The following ITGA9 variants were observed in gnomAD, a reference collection of about 807,000 sequenced individuals.
The protein encoded by ITGA9 is integrin alpha-9.
A neutral mutation model predicts 127.8 loss-of-function variants in ITGA9; 56 were observed. That is an observed-to-expected ratio of 0.44 (90% CI 0.35 to 0.55). The LOEUF is 0.55. ITGA9 is among the 20% of genes least tolerant of loss of function. ITGA9 has a pLI of 0.00. For missense variants in ITGA9, 1,196 were observed against 1,347.1 expected (o/e 0.89, Z 1.76); for synonymous variants, 508 against 514.5 (o/e 0.99, Z 0.17).
At chr3:37,714,622 T>C (rs1701114639) in intron 18 of ITGA9, among the ~76,000 whole-genome samples, 1 of 152,172 alleles carries the variant, frequency 6.6e-6, no homozygotes, top group Non-Finnish European at 1.5e-5. Flanking sequence ...GTTTCTAGAA[T>C]CTACATCAGT....
intron 15 of ITGA9, among the ~76,000 whole-genome samples, chr3:37,595,407 G>A (rs924467968): frequency 1.3e-5 from 2 of 152,186 alleles, no homozygotes; most frequent in African/African-American, 2.4e-5. Context: ...ATGGGAGTCC[G>A]AAAGCTACAC....
At chr3:37,596,980 TC>T (rs1699876748) in intron 15 of ITGA9, among the ~76,000 whole-genome samples, 1 of 151,954 alleles carries the variant, frequency 6.6e-6, no homozygotes, top group South Asian at 2.1e-4. Context: ...TCCCCTCCTC[TC>T]CTCCCCTCAA....
chr3:37,593,115 T>C (rs1190391657), intron 15 of ITGA9, among the ~76,000 whole-genome samples: 1 of 152,188 alleles, frequency 6.6e-6, no homozygotes, highest in Non-Finnish European at 1.5e-5. Context: ...CATGGGAGAT[T>C]GGTTCCAGGA....
At chr3:37,815,136 C>A (rs1697415141) in intron 27 of ITGA9, among the ~76,000 whole-genome samples, 1 of 152,178 alleles carries the variant, frequency 6.6e-6, no homozygotes, top group Non-Finnish European at 1.5e-5. Flanking sequence ...AGTGCCTTCA[C>A]CTTGTTGTTA....
intron 25 of ITGA9, among the ~76,000 whole-genome samples, chr3:37,782,661 G>A (rs1419887666): frequency 2.0e-5 from 3 of 152,212 alleles, no homozygotes; most frequent in African/African-American, 7.2e-5. Flanking sequence ...CTTGGGGAGT[G>A]GAGCCCACAT....
chr3:37,760,599 G>T (rs1696712440), intron 23 of ITGA9, among the ~76,000 whole-genome samples: 1 of 152,116 alleles, frequency 6.6e-6, no homozygotes, highest in Non-Finnish European at 1.5e-5. Context: ...TTCAATAAAT[G>T]ATATGAAGAC....
At chr3:37,720,130 C>T (rs549646119) in intron 18 of ITGA9, among the ~76,000 whole-genome samples, 276 of 152,256 alleles carry the variant, frequency 1.8e-3, no homozygotes, top group Non-Finnish European at 2.1e-3. Flanking sequence ...GTGAGCATGT[C>T]CAGGGACCAC....
At position 37,649,602 on chromosome 3, in the gene ITGA9, G is replaced by A. The variant is rs538397523; in HGVS notation, c.1840-4112G>A. 5.3e-5 allele frequency among the ~76,000 whole-genome samples: 8 copies of A among 152,284 alleles called. No individual in the cohort carries two copies. In the South Asian group the frequency reaches 1.7e-3, roughly 32 times the overall value. ...ACAGATCTGCAAGGAGAAATTGATAGCACTATAATAATAGGAGATTTCAGT... is the reference window on the plus strand; with the variant it reads ...ACAGATCTGCAAGGAGAAATTGATAACACTATAATAATAGGAGATTTCAGT... On this transcript the variant is annotated intron_variant, in intron 16 of 27. Transcript: ENST00000264741.
intron 14 of ITGA9, among the ~76,000 whole-genome samples, 159 bp from the exon 15 acceptor site, chr3:37,542,266 C>G (rs1405511302): frequency 2.0e-5 from 3 of 152,128 alleles, no homozygotes; most frequent in African/African-American, 7.2e-5. Context: ...TGGCTGTGTG[C>G]TGCTTTCTGA....
chr3:37,536,461 G>A (rs1482799554), intron 14 of ITGA9, among the ~76,000 whole-genome samples: 1 of 152,250 alleles, frequency 6.6e-6, no homozygotes, highest in East Asian at 1.9e-4. Context: ...ATCTTCTGTG[G>A]TATTTATCTG....
At chr3:37,784,837 TGGAGA>T in intron 25 of ITGA9, 135 bp from the exon 26 acceptor site, 1 of 701,090 alleles carries the variant, frequency 1.4e-6, no homozygotes, top group South Asian at 1.5e-5. Flanking sequence ...GTGCCTGGGA[TGGAGA>T]GGTATCTAGT....
chr3:37,802,090 G>A (rs1697241937), intron 26 of ITGA9, among the ~76,000 whole-genome samples: 1 of 152,128 alleles, frequency 6.6e-6, no homozygotes, highest in Non-Finnish European at 1.5e-5. Flanking sequence ...GCTAAGAGCT[G>A]GGTTCAAATC....
At chr3:37,518,704 C>T (rs971946237) in intron 10 of ITGA9, among the ~76,000 whole-genome samples, 1 of 148,012 alleles carries the variant, frequency 6.8e-6, no homozygotes, top group East Asian at 2.0e-4. Context: ...GTTTTTCTTA[C>T]GAGCATAAGG....
rs1048663749 is a variant in ITGA9 at position 37,785,907 on chromosome 3, A to C, written c.2889+829A>C. On this transcript the variant is annotated intron_variant, in intron 26 of 27. Coordinates refer to ENST00000264741, the MANE Select transcript of ITGA9 (RefSeq NM_002207.3). ...GGCACCAAGGCCTCAGAGACACGGG[A>C]GGGTGTGGCAAACCACGAGGCTGAG... Among the ~76,000 whole-genome samples the C allele has an allele frequency of 2.0e-5, 3 of 152,054 alleles. No homozygotes were observed. In the East Asian group the frequency reaches 5.8e-4, roughly 29 times the overall value.
At chr3:37,661,609 T>C (rs1247573776) in intron 17 of ITGA9, among the ~76,000 whole-genome samples, 2 of 152,328 alleles carry the variant, frequency 1.3e-5, no homozygotes, top group East Asian at 3.9e-4. Flanking sequence ...GGCAAAGGCA[T>C]AGTGGCTCCA....
At chr3:37,508,975 G>A (rs887483898) in intron 8 of ITGA9, among the ~76,000 whole-genome samples, 2 of 152,182 alleles carry the variant, frequency 1.3e-5, no homozygotes, top group Non-Finnish European at 2.9e-5. Context: ...TCCAGAGAGA[G>A]CAGATCTTTC....
At chr3:37,454,516 A>G (rs536583105) in intron 1 of ITGA9, among the ~76,000 whole-genome samples, 1 of 152,038 alleles carries the variant, frequency 6.6e-6, no homozygotes, top group Non-Finnish European at 1.5e-5. Context: ...GAGATGTGGG[A>G]CTGGTATTTC....
At chr3:37,714,092 G>A (rs942854742) in intron 18 of ITGA9, among the ~76,000 whole-genome samples, 2 of 152,216 alleles carry the variant, frequency 1.3e-5, no homozygotes, top group South Asian at 2.1e-4. Context: ...AGGAGCCATG[G>A]AGCCAAACTG....
At chr3:37,781,094 T>G (rs1696971313) in intron 25 of ITGA9, among the ~76,000 whole-genome samples, 1 of 152,248 alleles carries the variant, frequency 6.6e-6, no homozygotes, top group Non-Finnish European at 1.5e-5. Context: ...GGGATTTTGT[T>G]TGGCCATTTA....
Sources: gnomAD v4.1 joint callset for allele counts (sites outside exome capture counted in the v4.1 genomes callset) on GRCh38, gnomAD v4.1.1 for gene constraint, MANE v1.5 for transcripts, NCBI Gene and HGNC (gene_info 2026-07-23, HGNC 2026-07-21) for gene names.